Variants in PPP2R2B observed in about 807,000 individuals in gnomAD.
PPP2R2B encodes serine/threonine-protein phosphatase 2A 55 kDa regulatory subunit B beta isoform.
Under a neutral mutation model 46.0 loss-of-function variants are expected in PPP2R2B, and 5 were observed. That is an observed-to-expected ratio of 0.11 (90% CI 0.06 to 0.23). The LOEUF (loss-of-function observed/expected upper bound fraction) is 0.23, where lower values mean the gene tolerates loss of function less well. PPP2R2B is among the 10% of genes least tolerant of loss of function. PPP2R2B has a pLI of 1.00. For missense variants in PPP2R2B, 367 were observed against 575.0 expected, an observed-to-expected ratio of 0.64 and a Z score of 3.70; for synonymous variants, 215 against 206.7, an observed-to-expected ratio of 1.04 and a Z score of -0.34.
intron 1 of PPP2R2B, chr5:146,914,181 C>A (rs2151808514): frequency 6.6e-6 from 1 of 152,284 alleles, no homozygotes; most frequent in South Asian, 2.1e-4. Context: ...TAATTTAAAA[C>A]CAATATTGAC....
intron 3 of PPP2R2B, among the ~76,000 whole-genome samples, chr5:146,700,701 A>G (rs780394065): frequency 5.3e-5 from 8 of 152,176 alleles, no homozygotes; most frequent in Non-Finnish European, 1.2e-4. Flanking sequence ...ACCTGAAATC[A>G]AGGGAGACTG....
chr5:146,796,908 TA>T (rs1203813456), intron 2 of PPP2R2B, among the ~76,000 whole-genome samples: 3 of 152,214 alleles, frequency 2.0e-5, no homozygotes, highest in African/African-American at 7.2e-5. Flanking sequence ...AGTGACTTAA[TA>T]TACCACCATT....
At chr5:146,804,522 T>C (rs1380430170) in intron 2 of PPP2R2B, among the ~76,000 whole-genome samples, 2 of 152,274 alleles carry the variant, frequency 1.3e-5, no homozygotes, top group Middle Eastern at 3.4e-3. Flanking sequence ...AATAACAACA[T>C]AAACACCTTG....
intron 1 of PPP2R2B, among the ~76,000 whole-genome samples, chr5:146,957,203 C>T (rs922276724): frequency 1.3e-5 from 2 of 152,214 alleles, no homozygotes; most frequent in Non-Finnish European, 2.9e-5. Flanking sequence ...GGGACATACA[C>T]TACCCAGGTG....
chr5:146,911,872 G>GT (rs1763194646), intron 1 of PPP2R2B, among the ~76,000 whole-genome samples: 1 of 152,180 alleles, frequency 6.6e-6, no homozygotes, highest in Non-Finnish European at 1.5e-5. Flanking sequence ...TATACTTAGG[G>GT]TTTTTTCAGC....
intron 8 of PPP2R2B, among the ~76,000 whole-genome samples, chr5:146,598,161 AC>A (rs1420461203): frequency 6.6e-6 from 1 of 152,200 alleles, no homozygotes; most frequent in Non-Finnish European, 1.5e-5. Context: ...ATTTATTCAC[AC>A]TGCTCTACTG....
At chr5:146,830,662 G>A (rs1758871835) in intron 2 of PPP2R2B, among the ~76,000 whole-genome samples, 1 of 151,782 alleles carries the variant, frequency 6.6e-6, no homozygotes, top group Non-Finnish European at 1.5e-5. Flanking sequence ...TAGTACAGAT[G>A]GGATTCACCA....
intron 2 of PPP2R2B, among the ~76,000 whole-genome samples, chr5:146,779,052 G>A (rs73793273): frequency 0.011 from 1,690 of 152,286 alleles, 39 homozygotes; most frequent in African/African-American, 0.039. Flanking sequence ...CAACAAAAAT[G>A]CCATTTGATT....
At chr5:146,683,672 CA>C (rs1282984120) in intron 5 of PPP2R2B, among the ~76,000 whole-genome samples, 14 of 152,088 alleles carry the variant, frequency 9.2e-5, no homozygotes, top group Non-Finnish European at 2.1e-4. Context: ...AGCCAATGAG[CA>C]GAACAGAAAC....
rs373584414 is a variant in PPP2R2B, at chr5:146,856,450, A to G, written c.70+21552T>C. On this transcript the variant is annotated intron_variant, in intron 2 of 9. Coordinates refer to ENST00000394411, the MANE Select transcript of PPP2R2B (RefSeq NM_181675.4). ...GCAATTGGAACTATTTAACACTTCT[A>G]TACTGCTACTTTATCAAGAAGAGTA... 23 of 1,398,786 alleles carry G rather than the reference A, an allele frequency of 1.6e-5. No individual in the cohort carries two copies. In the East Asian group the frequency reaches 4.6e-4, roughly 28 times the overall value. 86.6% of individuals were successfully genotyped at this position (1,398,786 alleles called of 1,614,324 possible).
chr5:146,638,152 G>T, intron 7 of PPP2R2B, 99 bp downstream of exon 7: 1 of 1,244,062 alleles, frequency 8.0e-7, no homozygotes. Context: ...TACTCCTAGT[G>T]TGTCTGGTGT....
intron 2 of PPP2R2B, among the ~76,000 whole-genome samples, chr5:146,702,056 T>TA (rs3062308): frequency 0.3 from 39,272 of 129,844 alleles, 6,172 homozygotes; most frequent in East Asian, 0.63. Context: ...GCAAATGAGT[T>TA]AAAAAAAAAA....
chr5:146,846,212 C>T (rs1759997496), intron 2 of PPP2R2B, among the ~76,000 whole-genome samples: 1 of 151,110 alleles, frequency 6.6e-6, no homozygotes, highest in Non-Finnish European at 1.5e-5. Flanking sequence ...AAACCCGTCT[C>T]TACAAGAAAT....
At chr5:146,595,308 G>A (rs1300744455) in intron 8 of PPP2R2B, among the ~76,000 whole-genome samples, 1 of 152,152 alleles carries the variant, frequency 6.6e-6, no homozygotes, top group African/African-American at 2.4e-5. Flanking sequence ...CAGCAGTAAA[G>A]GTATATAAAC....
intron 5 of PPP2R2B, among the ~76,000 whole-genome samples, chr5:146,654,242 C>T (rs1016531927): frequency 1.9e-4 from 29 of 152,152 alleles, no homozygotes; most frequent in Non-Finnish European, 2.9e-4. Flanking sequence ...AAGGAAGATT[C>T]CTCTGTTTGC....
chr5:146,600,125 C>T (rs901419838), intron 8 of PPP2R2B, among the ~76,000 whole-genome samples, 166 bp downstream of exon 8: 3 of 152,174 alleles, frequency 2.0e-5, no homozygotes, highest in Non-Finnish European at 4.4e-5. Flanking sequence ...CCACATGTAC[C>T]GTTATCTTAA....
chr5:146,900,554 T>TTCCTTCCTTC lies in PPP2R2B; in HGVS notation c.79+155110_79+155111insGAAGGAAGGA, dbSNP rs1762795761. Among the ~76,000 whole-genome samples the TTCCTTCCTTC allele has an allele frequency of 2.9e-3, 317 of 110,124 alleles. 8 individuals carry two copies. Among genetic ancestry groups the TTCCTTCCTTC allele is most frequent in the African/African-American group, 9.4e-3 (235 of 24,982 alleles). 72.2% of individuals were successfully genotyped at this position (110,124 alleles called of 152,430 possible). ...TCCTTTCCTTTCTTTTTCCTTCCTT[T>TTCCTTCCTTC]CTTCCTTCCTTCCTTCCTTCCTTCC... On this transcript the variant is annotated intron_variant, in intron 1 of 8. Transcript: ENST00000336640.
intron 2 of PPP2R2B, among the ~76,000 whole-genome samples, chr5:146,814,205 A>G (rs1339678971): frequency 2.6e-5 from 4 of 151,804 alleles, no homozygotes; most frequent in South Asian, 4.1e-4. Context: ...AAAAAAAAAA[A>G]ACCCTCCATA....
intron 1 of PPP2R2B, among the ~76,000 whole-genome samples, chr5:146,969,478 A>C (rs1366305588): frequency 6.6e-6 from 1 of 152,236 alleles, no homozygotes; most frequent in Non-Finnish European, 1.5e-5. Context: ...GTGAGTACTT[A>C]CTGACAGTTT....
Sources: allele counts gnomAD v4.1 joint callset (sites outside exome capture counted in the v4.1 genomes callset), GRCh38; gene constraint gnomAD v4.1.1; transcripts MANE v1.5; gene names NCBI Gene and HGNC (gene_info 2026-07-23, HGNC 2026-07-21).